Variants in MLH3 observed in about 807,000 individuals in gnomAD.
The protein encoded by MLH3 is mutL homolog 3.
A neutral mutation model predicts 122.2 loss-of-function variants in MLH3; 82 were observed. The observed-to-expected ratio is 0.67, with a 90% CI of 0.56 to 0.81. MLH3 has a LOEUF of 0.81. MLH3 is among the 30% of genes least tolerant of loss of function. The pLI is 0.00. For synonymous variants in MLH3, 524 were observed against 599.5 expected, an observed-to-expected ratio of 0.87 and a Z score of 1.84; for missense variants, 1,539 against 1,714.5, an observed-to-expected ratio of 0.90 and a Z score of 1.81.
At chr14:75,032,990 T>C (rs1489979876) in intron 7 of MLH3, among the ~76,000 whole-genome samples, 2 of 151,422 alleles carry the variant, frequency 1.3e-5, no homozygotes, top group Non-Finnish European at 2.9e-5. Context: ...ATTGGATCTA[T>C]TTGATTATAC....
chr14:75,033,426 A>G lies in MLH3; in HGVS notation c.3708T>C (p.Leu1236=). Residue 1236 remains leucine (L), a synonymous_variant, in exon 7 of 13, where the codon CTT becomes CTC. Coordinates refer to ENST00000355774, the MANE Select transcript of MLH3 (RefSeq NM_001040108.2). ...CTGCAAACAGATCCTTACCAATGAT[A>G]AGCTGCTCCAGACGTATACGCTCAT... ...AAHERIRLEQ[L]IIDSYEKQQA... 1 of 1,614,102 alleles carries G rather than the reference A, an allele frequency of 6.2e-7. No individual in the cohort carries two copies. Among genetic ancestry groups the G allele is most frequent in the Non-Finnish European group, 8.5e-7 (1 of 1,179,960 alleles).
rs2139580022 is a variant in MLH3 at position 75,048,058 on chromosome 14, G to A, written c.1598C>T (p.Thr533Ile). Residue 533 changes from threonine to isoleucine, a missense_variant, in exon 2 of 13, where the codon ACT becomes ATT. Transcript: ENST00000355774. ...QDLEIWKEST[T>I]VNGMAANILK... The stretch of plus-strand genomic sequence containing the variant: ...GATGTTGGCAGCCATGCCATTAACA[G>A]TAGTACTTTCTTTCCATATTTCTAG... The A allele has an allele frequency of 6.2e-7, 1 of 1,614,054 alleles. No individual in the cohort carries two copies. Among genetic ancestry groups the A allele is most frequent in the Non-Finnish European group, 8.5e-7 (1 of 1,179,998 alleles).
chr14:75,021,091 G>A (rs1890247772), intron 11 of MLH3, among the ~76,000 whole-genome samples: 1 of 152,202 alleles, frequency 6.6e-6, no homozygotes, highest in Non-Finnish European at 1.5e-5. Context: ...TGGCCAGGCT[G>A]GTCTCGAACT....
chr14:75,049,791 C>T, intron 1 of MLH3, 73 bp from the exon 2 acceptor site: 1 of 910,802 alleles, frequency 1.1e-6, no homozygotes, highest in Non-Finnish European at 1.7e-6. Flanking sequence ...AGAAATAGCA[C>T]TTGAGGTAAA....
In MLH3 at chr14:75,048,282, T is replaced by C; in HGVS notation, c.1374A>G (p.Leu458=). ...PGHSKMTEPS[L]QNKDSSCSES... is the part of the protein sequence containing the mutation. Reference sequence around the variant, plus strand: ...CTGAGCAAGAGCTGTCTTTGTTTTGTAAAGATGGCTCTGTCATTTTGCTAT... The same window carrying C: ...CTGAGCAAGAGCTGTCTTTGTTTTGCAAAGATGGCTCTGTCATTTTGCTAT... Residue 458 remains leucine (L), a synonymous_variant, in exon 2 of 13, where the codon TTA becomes TTG. Coordinates refer to ENST00000355774, the MANE Select transcript of MLH3 (RefSeq NM_001040108.2). The C allele has an allele frequency of 6.2e-7, 1 of 1,614,096 alleles. No homozygotes were observed.
chr14:75,037,426 A>T (rs1433734255), intron 6 of MLH3, among the ~76,000 whole-genome samples: 2 of 151,964 alleles, frequency 1.3e-5, no homozygotes, highest in Non-Finnish European at 2.9e-5. Flanking sequence ...TTTTCTCATT[A>T]TTGTATCCCT....
rs1428547381 is a variant in MLH3 at position 75,049,089 on chromosome 14, C to G, written c.567G>C (p.Leu189Phe). 1 of 1,613,914 alleles carries G rather than the reference C, an allele frequency of 6.2e-7. No individual in the cohort carries two copies. Among genetic ancestry groups the G allele is most frequent in the Non-Finnish European group, 8.5e-7 (1 of 1,180,002 alleles). Residue 189 changes from leucine (L) to phenylalanine (F), a missense_variant, in exon 2 of 13, where the codon TTG (leucine) becomes TTC (phenylalanine). Leu to Phe is a conservative substitution (Grantham distance 22). Transcript: ENST00000355774. ...CCATGGAACCAGAAACATCATTTCTCAAAGAGAAAGAAATGGAAGGGTGCA... is the reference window on the plus strand; with the variant it reads ...CCATGGAACCAGAAACATCATTTCTGAAAGAGAAAGAAATGGAAGGGTGCA... ...SLMHPSISFS[L>F]RNDVSGSMVL...
At chr14:75,050,391 T>C (rs1166518616) in intron 1 of MLH3, among the ~76,000 whole-genome samples, 1 of 152,186 alleles carries the variant, frequency 6.6e-6, no homozygotes, top group Admixed American at 6.5e-5. Flanking sequence ...TACTCTGATG[T>C]TTTTAGAAAG....
chr14:75,021,721 T>C (rs1329570378), intron 11 of MLH3, among the ~76,000 whole-genome samples: 7 of 152,206 alleles, frequency 4.6e-5, no homozygotes, highest in African/African-American at 1.7e-4. Flanking sequence ...ACTTATACAC[T>C]GCTGGTGGGA....
chr14:75,036,015 C>T (rs1891377369), intron 6 of MLH3, among the ~76,000 whole-genome samples: 1 of 152,232 alleles, frequency 6.6e-6, no homozygotes, highest in African/African-American at 2.4e-5. Flanking sequence ...TCTACTGTCA[C>T]AAAATCAGAT....
intron 2 of MLH3, among the ~76,000 whole-genome samples, chr14:75,044,544 A>T (rs1241099904): frequency 6.6e-6 from 1 of 152,218 alleles, no homozygotes; most frequent in Non-Finnish European, 1.5e-5. Flanking sequence ...GTCAGGACAT[A>T]AAACCACATA....
intron 6 of MLH3, among the ~76,000 whole-genome samples, chr14:75,033,766 T>C (rs1891206830): frequency 6.6e-6 from 1 of 152,216 alleles, no homozygotes. Flanking sequence ...CCACCCCTTC[T>C]AGTTTCTCTC....
Position 75,049,105 on chromosome 14 carries a change from G to T in MLH3, c.551C>A (p.Ser184Tyr). The change falls in exon 2 of 13, where the codon TCC becomes TAC. Residue 184 changes from serine to tyrosine, a missense_variant. By Grantham distance (144) the Ser-to-Tyr change is moderately radical. Coordinates refer to ENST00000355774, the MANE Select transcript of MLH3 (RefSeq NM_001040108.2). ...ATCATTTCTCAAAGAGAAAGAAATG[G>T]AAGGGTGCATGAGTGAGAGAGCTTC... ...RIEALSLMHP[S>Y]ISFSLRNDVS... The T allele has an allele frequency of 6.2e-7, 1 of 1,614,120 alleles. No homozygotes were observed.
intron 6 of MLH3, among the ~76,000 whole-genome samples, chr14:75,036,021 C>G (rs1394010462): frequency 1.3e-5 from 2 of 152,206 alleles, no homozygotes; most frequent in Non-Finnish European, 2.9e-5. Flanking sequence ...GTCACAAAAT[C>G]AGATGATCCT....
chr14:75,048,185 A>C lies in MLH3; in HGVS notation c.1471T>G (p.Phe491Val). 1 of 1,613,832 alleles carries C rather than the reference A, an allele frequency of 6.2e-7. No homozygotes were observed. Among genetic ancestry groups the C allele is most frequent in the Non-Finnish European group, 8.5e-7 (1 of 1,179,938 alleles). ...AGENEKHKKS[F>V]LEHSSLENPC... ...TTTTCTAAAGAGCTATGTTCCAGGA[A>C]AGATTTTTTATGTTTCTCATTTTCT... Residue 491 changes from phenylalanine (F) to valine (V), a missense_variant, in exon 2 of 13, where the codon TTC becomes GTC. Coordinates refer to ENST00000355774, the MANE Select transcript of MLH3 (RefSeq NM_001040108.2).
In MLH3 at chr14:75,030,648, A is replaced by G. The variant is rs763673238; in HGVS notation, c.3882T>C (p.Thr1294=). 1 of 1,613,948 alleles carries G rather than the reference A, an allele frequency of 6.2e-7. No individual in the cohort carries two copies. The highest frequency in any genetic ancestry group is 1.1e-5 in the South Asian group (1 of 91,088). The change falls in exon 9 of 13, where the codon ACT becomes ACC. Residue 1294 remains threonine, a synonymous_variant. Coordinates refer to ENST00000355774, the MANE Select transcript of MLH3 (RefSeq NM_001040108.2). ...TTCCCACAAGGACCAGAGAATCACT[A>G]GTGTCTGGAAATACAAATTCAAGGC... ...DLGLEFVFPD[T]SDSLVLVGKV...
At chr14:75,035,703 A>T (rs2139432299) in intron 6 of MLH3, among the ~76,000 whole-genome samples, 1 of 152,300 alleles carries the variant, frequency 6.6e-6, no homozygotes, top group East Asian at 1.9e-4. Context: ...TAGAGAATAA[A>T]TGCTCTAAAA....
At chr14:75,023,115 G>T in intron 9 of MLH3, 97 bp from the exon 10 acceptor site, 1 of 1,374,870 alleles carries the variant, frequency 7.3e-7, no homozygotes, top group Non-Finnish European at 1.0e-6. Flanking sequence ...TTTAAATCAT[G>T]CCTCCTGAAA....
chr14:75,040,130 G>C, intron 4 of MLH3, 115 bp from the exon 5 acceptor site: 2 of 591,892 alleles, frequency 3.4e-6, no homozygotes, highest in Non-Finnish European at 6.2e-6. Context: ...ACTAGAGGTG[G>C]GTTTAATTCA....
Sources: allele counts gnomAD v4.1 joint callset (sites outside exome capture counted in the v4.1 genomes callset), GRCh38; gene constraint gnomAD v4.1.1; transcripts MANE v1.5; gene names NCBI Gene and HGNC (gene_info 2026-07-23, HGNC 2026-07-21).